Variants in CDC42BPB observed in about 807,000 individuals in gnomAD.
CDC42BPB encodes serine/threonine-protein kinase MRCK beta.
Under a neutral mutation model 214.9 loss-of-function variants are expected in CDC42BPB, and 37 were observed. The ratio of observed to expected loss-of-function variants is 0.17; its 90% CI spans 0.13 to 0.23. CDC42BPB has a LOEUF of 0.23. Among genes scored for constraint, CDC42BPB ranks in the 10% least tolerant of loss-of-function variants. CDC42BPB has a pLI of 1.00. For synonymous variants in CDC42BPB, 931 were observed against 884.0 expected (o/e 1.05, Z -0.94); for missense variants, 1,694 against 2,227.0 (o/e 0.76, Z 4.82).
chr14:103,045,559 T>A (rs1888243041), intron 1 of CDC42BPB, among the ~76,000 whole-genome samples: 1 of 152,172 alleles, frequency 6.6e-6, no homozygotes, highest in South Asian at 2.1e-4. Context: ...TACTCCCTGC[T>A]TCTTCACATT....
intron 5 of CDC42BPB, among the ~76,000 whole-genome samples, chr14:102,990,757 G>C (rs1894456612): frequency 1.3e-5 from 2 of 152,160 alleles, no homozygotes; most frequent in South Asian, 4.1e-4. Context: ...CAGAAACTAA[G>C]GGCATCCTCA....
At position 102,950,477 on chromosome 14, in the gene CDC42BPB, C is replaced by T. The variant is rs1334546462; in HGVS notation, c.3298G>A (p.Gly1100Ser). 2 of 1,613,180 alleles carry T rather than the reference C, an allele frequency of 1.2e-6. No individual in the cohort carries two copies. The highest frequency in any genetic ancestry group is 2.2e-5 in the East Asian group (1 of 44,884). The change falls in exon 25 of 37, where the codon GGC becomes AGC. Residue 1100 changes from glycine (G) to serine (S), a missense_variant. This residue lies in a region of CDC42BPB where 567 missense variants were observed against 790.3 expected (regional missense o/e 0.72). Transcript: ENST00000361246. ...ATGAAGCCGCCTACCTTGACATGGCCTTTGTAGGCTGTTCCGATGCCTCGC... is the reference window on the plus strand; with the variant it reads ...ATGAAGCCGCCTACCTTGACATGGCTTTTGTAGGCTGTTCCGATGCCTCGC... Reference protein sequence around the residue: ...VQRGIGTAYKGHVKVPKPTGV... With the variant: ...VQRGIGTAYKSHVKVPKPTGV...
At chr14:103,031,327 C>T (rs561915657) in intron 1 of CDC42BPB, among the ~76,000 whole-genome samples, 74 of 152,222 alleles carry the variant, frequency 4.9e-4, no homozygotes, top group Non-Finnish European at 6.6e-4. Context: ...ATTGGTAAGC[C>T]AGGAAAACTA....
intron 1 of CDC42BPB, among the ~76,000 whole-genome samples, chr14:103,020,546 G>A (rs980658777): frequency 6.6e-6 from 1 of 152,220 alleles, no homozygotes; most frequent in East Asian, 1.9e-4. Context: ...GGATGTGTGC[G>A]AGGGCCCAGG....
intron 21 of CDC42BPB, among the ~76,000 whole-genome samples, chr14:102,958,081 A>G (rs1464385781): frequency 2.0e-5 from 3 of 152,246 alleles, no homozygotes; most frequent in South Asian, 2.1e-4. Context: ...AAAGGAAACA[A>G]AAGACTAAAT....
At chr14:102,938,819 G>C (rs939678607) in intron 34 of CDC42BPB, among the ~76,000 whole-genome samples, 3 of 152,002 alleles carry the variant, frequency 2.0e-5, no homozygotes, top group Non-Finnish European at 4.4e-5. Context: ...GTAGAGACAG[G>C]GTTTCTCCAT....
At chr14:102,997,602 G>T (rs565296937) in intron 5 of CDC42BPB, among the ~76,000 whole-genome samples, 7 of 152,266 alleles carry the variant, frequency 4.6e-5, no homozygotes, top group East Asian at 3.9e-4. Flanking sequence ...AAACCAGATC[G>T]AGACTACCCG....
At chr14:102,962,235 C>A (rs1264353701) in intron 20 of CDC42BPB, among the ~76,000 whole-genome samples, 1 of 152,256 alleles carries the variant, frequency 6.6e-6, no homozygotes, top group Non-Finnish European at 1.5e-5. Flanking sequence ...CCTCTGGAGG[C>A]CTGTCCGTCA....
chr14:102,993,030 A>C (rs1894567315), intron 5 of CDC42BPB, among the ~76,000 whole-genome samples: 1 of 151,874 alleles, frequency 6.6e-6, no homozygotes, highest in Non-Finnish European at 1.5e-5. Context: ...GGGTTTTGCC[A>C]TGTTGGCCAG....
At chr14:103,038,864 A>G (rs546494335) in intron 1 of CDC42BPB, among the ~76,000 whole-genome samples, 1 of 152,240 alleles carries the variant, frequency 6.6e-6, no homozygotes, top group Non-Finnish European at 1.5e-5. Flanking sequence ...CATAAAATGT[A>G]CAATTTTAAC....
Position 102,939,843 on chromosome 14 carries a change from G to A in CDC42BPB, c.4696C>T (p.Leu1566=). ...FVFKVPEEER[L]QQRREMLRDP... ...CCCCGCTCCTACCGCCTCTGCTGCA[G>A]TCTCTCTTCCTCTGGGACCTTGAAG... The change falls in exon 33 of 37, where the codon CTG becomes TTG. Residue 1566 remains leucine (L), a synonymous_variant. Coordinates refer to ENST00000361246, the MANE Select transcript of CDC42BPB (RefSeq NM_006035.4). The A allele has an allele frequency of 6.2e-7, 1 of 1,614,070 alleles. No homozygotes were observed. The highest frequency in any genetic ancestry group is 8.5e-7 in the Non-Finnish European group (1 of 1,180,046).
At chr14:103,005,890 G>A (rs938746074) in intron 3 of CDC42BPB, among the ~76,000 whole-genome samples, 36 of 151,584 alleles carry the variant, frequency 2.4e-4, no homozygotes, top group Admixed American at 7.9e-4. Flanking sequence ...CGTGGTGGCG[G>A]GTGCCTGTAA....
intron 1 of CDC42BPB, among the ~76,000 whole-genome samples, chr14:103,018,121 A>C (rs746565962): frequency 6.6e-6 from 1 of 152,168 alleles, no homozygotes; most frequent in Non-Finnish European, 1.5e-5. Context: ...TCAAATACAC[A>C]GTTCACAATA....
intron 36 of CDC42BPB, 63 bp downstream of exon 36, chr14:102,938,041 G>C (rs1566837562): frequency 6.4e-7 from 1 of 1,551,936 alleles, no homozygotes; most frequent in Non-Finnish European, 8.9e-7. Context: ...CCAGATCTTC[G>C]GGCTGCTTTT....
intron 30 of CDC42BPB, among the ~76,000 whole-genome samples, chr14:102,942,416 A>G (rs1393086698): frequency 6.6e-6 from 1 of 152,142 alleles, no homozygotes; most frequent in Admixed American, 6.5e-5. Flanking sequence ...ACTGAGGGAG[A>G]ATGTCATTCC....
In CDC42BPB at chr14:103,001,374, C is replaced by T. The variant is rs1290979759; in HGVS notation, c.448-1661G>A. Among the ~76,000 whole-genome samples, 3 of 152,192 alleles carry T rather than the reference C, an allele frequency of 2.0e-5. No homozygotes were observed. The highest frequency in any genetic ancestry group is 6.5e-5 in the Admixed American group (1 of 15,280). On this transcript the variant is annotated intron_variant, in intron 4 of 36. Transcript: ENST00000361246. The surrounding 1 kb of genome is among the most constrained non-coding windows in gnomAD (Gnocchi z 5.8). Reference sequence around the variant, plus strand: ...GACCGTGGCCAGCATGGAGAGCAGGCAGTGGTGAGCGCCAGCTGACCGCAG... The same window carrying T: ...GACCGTGGCCAGCATGGAGAGCAGGTAGTGGTGAGCGCCAGCTGACCGCAG...
At chr14:103,020,654 C>T (rs1886720203) in intron 1 of CDC42BPB, among the ~76,000 whole-genome samples, 1 of 152,182 alleles carries the variant, frequency 6.6e-6, no homozygotes, top group Admixed American at 6.5e-5. Flanking sequence ...GGACGGGGCA[C>T]ATGCTGAACC....
At chr14:103,022,809 A>C (rs1018858109) in intron 1 of CDC42BPB, among the ~76,000 whole-genome samples, 1 of 152,166 alleles carries the variant, frequency 6.6e-6, no homozygotes, top group Non-Finnish European at 1.5e-5. Context: ...AACACAGCCA[A>C]TTCCTTGAAA....
chr14:103,018,720 G>A (rs570337995), intron 1 of CDC42BPB, among the ~76,000 whole-genome samples: 26 of 152,310 alleles, frequency 1.7e-4, no homozygotes, highest in African/African-American at 5.8e-4. Flanking sequence ...ATTACATCAC[G>A]TAGTTAGTGC....
Sources: allele counts gnomAD v4.1 joint callset (sites outside exome capture counted in the v4.1 genomes callset), GRCh38; gene constraint gnomAD v4.1.1; regional missense constraint gnomAD v4.1.1; non-coding constraint Gnocchi (gnomAD v3.1); transcripts MANE v1.5; gene names NCBI Gene and HGNC (gene_info 2026-07-23, HGNC 2026-07-21).